GRIA4: variants seen among roughly 807,000 people sequenced by gnomAD.
GRIA4 encodes the protein glutamate ionotropic receptor AMPA type subunit 4.
Under a neutral mutation model 104.0 loss-of-function variants are expected in GRIA4, and 34 were observed. That is an observed-to-expected ratio of 0.33 (90% CI 0.25 to 0.44). The LOEUF is 0.44. Ranked by LOEUF, GRIA4 falls within the 20% of genes least tolerant of loss-of-function variation. The pLI is 1.00. For synonymous variants in GRIA4, 386 were observed against 381.9 expected, an observed-to-expected ratio of 1.01 and a Z score of -0.13; for missense variants, 750 against 1,096.5, an observed-to-expected ratio of 0.68 and a Z score of 4.46.
chr11:105,879,147 G>A (rs1167909589), intron 5 of GRIA4, among the ~76,000 whole-genome samples: 4 of 152,174 alleles, frequency 2.6e-5, no homozygotes, highest in Admixed American at 1.3e-4. Context: ...AAGGGAGGGA[G>A]TTCCCTGACC....
chr11:105,878,993 G>C (rs1354293936), intron 5 of GRIA4, among the ~76,000 whole-genome samples: 2 of 152,220 alleles, frequency 1.3e-5, no homozygotes, highest in Non-Finnish European at 2.9e-5. Context: ...GCCTAGCTTT[G>C]TGCTTGAAAC....
At chr11:105,815,691 G>T (rs1250522374) in intron 4 of GRIA4, among the ~76,000 whole-genome samples, 1 of 151,996 alleles carries the variant, frequency 6.6e-6, no homozygotes, top group African/African-American at 2.4e-5. Context: ...AAAAAATGTG[G>T]ATGAGTCCTA....
At chr11:105,865,095 T>C (rs987335987) in intron 5 of GRIA4, among the ~76,000 whole-genome samples, 1 of 152,220 alleles carries the variant, frequency 6.6e-6, no homozygotes, top group African/African-American at 2.4e-5. Flanking sequence ...TAATTCGTTC[T>C]TATAAATGTA....
At chr11:105,873,016 C>T (rs1945674194) in intron 5 of GRIA4, among the ~76,000 whole-genome samples, 1 of 151,958 alleles carries the variant, frequency 6.6e-6, no homozygotes, top group Non-Finnish European at 1.5e-5. Context: ...TGGTGGTTTG[C>T]TGCACCCATC....
At chr11:105,889,538 G>T (rs895462885) in intron 6 of GRIA4, among the ~76,000 whole-genome samples, 3 of 152,016 alleles carry the variant, frequency 2.0e-5, no homozygotes, top group African/African-American at 7.2e-5. Flanking sequence ...TGAGAGCTAT[G>T]TGCATAAGAT....
Position 105,794,613 on chromosome 11 carries a change from T to G in GRIA4, c.487+41393T>G, listed in dbSNP as rs550616749. Among the ~76,000 whole-genome samples, 552 of 145,226 alleles carry G rather than the reference T, an allele frequency of 3.8e-3. 5 individuals carry two copies. Among genetic ancestry groups the G allele is most frequent in the African/African-American group, 0.012 (478 of 39,750 alleles). ...CTCATAAGATATATACATATATATATATAGAGAGAGAGAGTTATGGTTGTG... is the reference window on the plus strand; with the variant it reads ...CTCATAAGATATATACATATATATAGATAGAGAGAGAGAGTTATGGTTGTG... On this transcript the variant is annotated intron_variant, in intron 4 of 16. Transcript: ENST00000282499.
chr11:105,878,095 G>A (rs1945902141), intron 5 of GRIA4, among the ~76,000 whole-genome samples: 1 of 152,162 alleles, frequency 6.6e-6, no homozygotes, highest in African/African-American at 2.4e-5. Context: ...TGGGGTTTCT[G>A]AGTGGACGTC....
intron 4 of GRIA4, among the ~76,000 whole-genome samples, chr11:105,760,385 C>T (rs932957680): frequency 2.0e-5 from 3 of 152,144 alleles, no homozygotes; most frequent in Non-Finnish European, 2.9e-5. Flanking sequence ...CAACTTTTCT[C>T]CTTGGCCCCA....
At chr11:105,690,120 G>A (rs1031924513) in intron 3 of GRIA4, among the ~76,000 whole-genome samples, 2 of 151,652 alleles carry the variant, frequency 1.3e-5, no homozygotes, top group African/African-American at 2.4e-5. Context: ...TTTCTTCAAC[G>A]TCATAGACAG....
chr11:105,896,854 G>C (rs557023450), intron 6 of GRIA4, among the ~76,000 whole-genome samples: 2 of 152,112 alleles, frequency 1.3e-5, no homozygotes, highest in South Asian at 4.1e-4. Context: ...GATGCCTCTG[G>C]CTTTGTTCAT....
chr11:105,748,443 G>A lies in GRIA4; in HGVS notation c.248-4538G>A, dbSNP rs539985970. On this transcript the variant is annotated intron_variant, in intron 3 of 16. Transcript: ENST00000282499. ...TGCCCAGGCTGGAGTGCAGTGGCCC[G>A]ATCTCAACTCACTGCAACCTCCACC... Among the ~76,000 whole-genome samples the A allele has an allele frequency of 3.6e-4, 54 of 151,822 alleles. 1 individual carries two copies. In the South Asian group the frequency reaches 1.0e-2, roughly 28 times the overall value.
intron 4 of GRIA4, among the ~76,000 whole-genome samples, chr11:105,810,363 A>T (rs1943123720): frequency 6.6e-6 from 1 of 152,156 alleles, no homozygotes; most frequent in Non-Finnish European, 1.5e-5. Context: ...AAAGAGAGGG[A>T]GAAGTAGTTC....
chr11:105,675,977 C>T (rs1482990401), intron 3 of GRIA4, among the ~76,000 whole-genome samples: 1 of 151,708 alleles, frequency 6.6e-6, no homozygotes, highest in Admixed American at 6.6e-5. Context: ...ACAATGTTTT[C>T]AATCCTTTCA....
At chr11:105,832,966 C>A (rs989087668) in intron 4 of GRIA4, among the ~76,000 whole-genome samples, 2 of 151,944 alleles carry the variant, frequency 1.3e-5, no homozygotes, top group East Asian at 3.9e-4. Context: ...TTGGTAGAAA[C>A]AGCTCTCGTT....
At chr11:105,877,002 T>G (rs990412118) in intron 5 of GRIA4, among the ~76,000 whole-genome samples, 1 of 152,214 alleles carries the variant, frequency 6.6e-6, no homozygotes, top group Non-Finnish European at 1.5e-5. Context: ...AGTTTCTTCA[T>G]AGTGTCAATG....
At chr11:105,797,961 G>A (rs1312557243) in intron 4 of GRIA4, 1 of 369,426 alleles carries the variant, frequency 2.7e-6, no homozygotes, top group African/African-American at 2.1e-5. Flanking sequence ...CCTCATCTAT[G>A]TATTCATTTA....
At chr11:105,834,341 T>C (rs1944095365) in intron 4 of GRIA4, among the ~76,000 whole-genome samples, 1 of 152,032 alleles carries the variant, frequency 6.6e-6, no homozygotes, top group African/African-American at 2.4e-5. Flanking sequence ...ATGAAAAGCA[T>C]TTAAGGACAT....
At chr11:105,679,814 T>G (rs1490680421) in intron 3 of GRIA4, among the ~76,000 whole-genome samples, 3 of 152,142 alleles carry the variant, frequency 2.0e-5, no homozygotes, top group Non-Finnish European at 4.4e-5. Context: ...TGCATTGCCT[T>G]TGAGCTCAGC....
chr11:105,639,345 T>C (rs1951294204), intron 3 of GRIA4, among the ~76,000 whole-genome samples: 2 of 152,092 alleles, frequency 1.3e-5, no homozygotes, highest in Admixed American at 6.6e-5. Flanking sequence ...TTCATGACTA[T>C]AAGTTAGTTT....
Sources: allele counts gnomAD v4.1 joint callset (sites outside exome capture counted in the v4.1 genomes callset), GRCh38; gene constraint gnomAD v4.1.1; transcripts MANE v1.5; gene names NCBI Gene and HGNC (gene_info 2026-07-23, HGNC 2026-07-21).